Variants in MYRIP observed in about 807,000 individuals in gnomAD.
MYRIP encodes the protein myosin VIIA and Rab interacting protein, also known as rab effector MyRIP.
In MYRIP, 49 loss-of-function variants were observed where a neutral mutation model predicts 98.0. The observed-to-expected ratio is 0.50, with a 90% CI of 0.40 to 0.63. The LOEUF is 0.63. Ranked by LOEUF, MYRIP falls within the 30% of genes least tolerant of loss-of-function variation. The pLI, the probability that MYRIP is intolerant of heterozygous loss-of-function variation, is 0.00. For missense variants in MYRIP, 1,004 were observed against 1,058.2 expected (o/e 0.95, Z 0.71); for synonymous variants, 404 against 409.5 (o/e 0.99, Z 0.16).
At position 40,221,535 on chromosome 3, in the gene MYRIP, G is replaced by T. The variant is rs923523483; in HGVS notation, c.1905+11442G>T. 5.3e-4 allele frequency among the ~76,000 whole-genome samples: 81 copies of T among 152,308 alleles called. 1 individual carries two copies. The highest frequency in any genetic ancestry group is 1.9e-3 in the African/African-American group (77 of 41,582). On this transcript the variant is annotated intron_variant, in intron 11 of 16. Coordinates refer to ENST00000302541, the MANE Select transcript of MYRIP (RefSeq NM_015460.4). ...GGTCCCAGCTACTCCGGAGGCTAAG[G>T]TGGGAGGATCACTTAAGCCCAGGAA...
intron 2 of MYRIP, among the ~76,000 whole-genome samples, chr3:40,005,912 G>A (rs1218033204): frequency 6.6e-6 from 1 of 152,094 alleles, no homozygotes; most frequent in Non-Finnish European, 1.5e-5. Flanking sequence ...GAAAATTCAG[G>A]TGCTTTGAGA....
At chr3:39,847,980 G>A (rs573272015) in intron 1 of MYRIP, among the ~76,000 whole-genome samples, 38 of 152,304 alleles carry the variant, frequency 2.5e-4, no homozygotes, top group Non-Finnish European at 4.0e-4. Context: ...GATACTCATC[G>A]TAAGCACCTT....
At chr3:40,227,738 G>A (rs1344749447) in intron 11 of MYRIP, among the ~76,000 whole-genome samples, 1 of 152,206 alleles carries the variant, frequency 6.6e-6, no homozygotes, top group Non-Finnish European at 1.5e-5. Context: ...CCAGCATTGT[G>A]CCCATCTCCA....
intron 2 of MYRIP, among the ~76,000 whole-genome samples, chr3:39,965,083 G>A (rs1223440467): frequency 6.6e-6 from 1 of 152,026 alleles, no homozygotes; most frequent in African/African-American, 2.4e-5. Flanking sequence ...GTATAGAGCA[G>A]TAATAATTCT....
intron 12 of MYRIP, among the ~76,000 whole-genome samples, chr3:40,241,117 T>G (rs1468898151): frequency 6.6e-6 from 1 of 152,116 alleles, no homozygotes; most frequent in Non-Finnish European, 1.5e-5. Flanking sequence ...GTGGTGTGAA[T>G]AGTAGGACTG....
chr3:40,174,993 A>G (rs1950716592), intron 8 of MYRIP, among the ~76,000 whole-genome samples: 1 of 152,030 alleles, frequency 6.6e-6, no homozygotes, highest in African/African-American at 2.4e-5. Flanking sequence ...AACACAAAAA[A>G]TTAGCCGGGC....
Position 40,162,808 on chromosome 3 carries a change from A to C in MYRIP, c.548A>C (p.Glu183Ala). Residue 183 changes from glutamate to alanine, a missense_variant and splice_region_variant, in exon 5 of 17, where the codon GAA (glutamate) becomes GCA (alanine). Physicochemically the swap from Glu to Ala is moderately radical, Grantham distance 107. Around this residue, in one of 3 missense-constraint regions of MYRIP, gnomAD observed 880 missense variants for 907.7 expected, o/e 0.97. Coordinates refer to ENST00000302541, the MANE Select transcript of MYRIP (RefSeq NM_015460.4). The stretch of plus-strand genomic sequence containing the variant: ...GATTCAACATTTTATAGGCAGTCAG[A>C]AGGTAAAGTTGCTTAAGAGTTTACA... ...GSDSTFYRQS[E>A]GHSVMDTLAV... 1.9e-6 allele frequency: 3 copies of C among 1,613,782 alleles called. No homozygotes were observed. Among genetic ancestry groups the C allele is most frequent in the Non-Finnish European group, 2.5e-6 (3 of 1,179,698 alleles).
At chr3:40,156,604 ATTGATTCTTCCTACCCATG>A (rs778230602) in intron 4 of MYRIP, among the ~76,000 whole-genome samples, 14 of 151,858 alleles carry the variant, frequency 9.2e-5, no homozygotes, top group Non-Finnish European at 1.9e-4. Context: ...TTTTCACGAT[ATTGATTCTTCCTACCCATG>A]AGCATGGAAT....
intron 3 of MYRIP, among the ~76,000 whole-genome samples, chr3:40,123,261 AT>A (rs1466087163): frequency 2.0e-5 from 3 of 152,150 alleles, no homozygotes; most frequent in Non-Finnish European, 2.9e-5. Flanking sequence ...GGTCTTAAGG[AT>A]TTTTTTTAAC....
At chr3:39,931,409 G>C (rs1321478061) in intron 2 of MYRIP, among the ~76,000 whole-genome samples, 4 of 150,904 alleles carry the variant, frequency 2.7e-5, no homozygotes, top group Non-Finnish European at 5.9e-5. Flanking sequence ...TTATTTATTA[G>C]TTCTGACAAT....
At chr3:39,917,473 TAAA>T (rs879437018) in intron 2 of MYRIP, among the ~76,000 whole-genome samples, 1 of 42,500 alleles carries the variant, frequency 2.4e-5, no homozygotes, top group African/African-American at 1.2e-4. Context: ...ATAGGAAAAT[TAAA>T]AAAAAAAAAG....
chr3:40,072,066 A>AT (rs886119319), intron 3 of MYRIP, among the ~76,000 whole-genome samples: 10 of 152,014 alleles, frequency 6.6e-5, no homozygotes, highest in African/African-American at 2.4e-4. Flanking sequence ...TGGTTGTGTG[A>AT]TTTTTCTGCA....
At chr3:40,027,504 C>A (rs974450263) in intron 2 of MYRIP, among the ~76,000 whole-genome samples, 1 of 152,010 alleles carries the variant, frequency 6.6e-6, no homozygotes, top group Non-Finnish European at 1.5e-5. Context: ...GGACTAGCTC[C>A]TTCTCATCTT....
chr3:39,960,531 TCAC>T (rs1027578182), intron 2 of MYRIP, among the ~76,000 whole-genome samples: 93 of 152,292 alleles, frequency 6.1e-4, no homozygotes, highest in African/African-American at 2.1e-3. Flanking sequence ...TTGTTTTTAT[TCAC>T]CAAACAGAAC....
chr3:40,159,302 T>G (rs1464366530), intron 4 of MYRIP, among the ~76,000 whole-genome samples: 1 of 152,134 alleles, frequency 6.6e-6, no homozygotes. Flanking sequence ...TTCTTTTCTT[T>G]AAGAATGTTG....
At chr3:39,881,821 TC>T (rs1306605630) in intron 1 of MYRIP, among the ~76,000 whole-genome samples, 1 of 152,156 alleles carries the variant, frequency 6.6e-6, no homozygotes, top group African/African-American at 2.4e-5. Context: ...TCAGTTTTTT[TC>T]ACTATACCAA....
At chr3:40,151,263 G>A (rs1233026754) in intron 4 of MYRIP, 79 bp downstream of exon 4, 2 of 1,450,680 alleles carry the variant, frequency 1.4e-6, no homozygotes, top group Non-Finnish European at 1.8e-6. Flanking sequence ...CCTGAACACT[G>A]GAGCACACTC....
intron 2 of MYRIP, among the ~76,000 whole-genome samples, chr3:39,982,453 C>T (rs567788510): frequency 2.6e-5 from 4 of 152,260 alleles, no homozygotes; most frequent in African/African-American, 9.6e-5. Flanking sequence ...AAGGAAATTA[C>T]CAAATGAACC....
chr3:40,017,184 C>T (rs1195833791), intron 2 of MYRIP, among the ~76,000 whole-genome samples: 1 of 152,192 alleles, frequency 6.6e-6, no homozygotes, highest in Non-Finnish European at 1.5e-5. Context: ...CTCCTGCACT[C>T]CCACTTCCTT....
Sources: gnomAD v4.1 joint callset for allele counts (sites outside exome capture counted in the v4.1 genomes callset) on GRCh38, gnomAD v4.1.1 for gene constraint, gnomAD v4.1.1 regional missense constraint, MANE v1.5 for transcripts, NCBI Gene and HGNC (gene_info 2026-07-23, HGNC 2026-07-21) for gene names.